The following PRKAA2 variants were observed in gnomAD, a reference collection of about 807,000 sequenced individuals.
PRKAA2 encodes the protein 5'-AMP-activated protein kinase catalytic subunit alpha-2.
A neutral mutation model predicts 56.3 loss-of-function variants in PRKAA2; 40 were observed. The observed-to-expected ratio is 0.71, with a 90% CI of 0.55 to 0.92. The LOEUF (loss-of-function observed/expected upper bound fraction) is 0.92, where lower values mean the gene tolerates loss of function less well. Among genes scored for constraint, PRKAA2 ranks in the 40% least tolerant of loss-of-function variants. The pLI, the probability that PRKAA2 is intolerant of heterozygous loss-of-function variation, is 0.00. For missense variants in PRKAA2, 542 were observed against 686.9 expected (o/e 0.79, Z 2.36); for synonymous variants, 214 against 234.2 (o/e 0.91, Z 0.79).
intron 1 of PRKAA2, among the ~76,000 whole-genome samples, chr1:56,648,218 A>G (rs375564252): frequency 1.3e-5 from 2 of 152,206 alleles, no homozygotes; most frequent in South Asian, 4.1e-4. Flanking sequence ...TTCACAGTTA[A>G]TCTCATTTCT....
At chr1:56,683,552 C>T (rs1375739919) in intron 2 of PRKAA2, among the ~76,000 whole-genome samples, 3 of 152,020 alleles carry the variant, frequency 2.0e-5, no homozygotes, top group South Asian at 4.2e-4. Context: ...ACTAGGGATA[C>T]AGCAACAGAC....
chr1:56,685,447 T>C (rs568385870), intron 2 of PRKAA2, among the ~76,000 whole-genome samples: 1 of 152,300 alleles, frequency 6.6e-6, no homozygotes, highest in African/African-American at 2.4e-5. Flanking sequence ...AGAATTTCTT[T>C]TAGATCAGAA....
intron 5 of PRKAA2, among the ~76,000 whole-genome samples, chr1:56,695,182 TTA>T (rs71852426): frequency 0.43 from 56,041 of 129,630 alleles, 11,257 homozygotes; most frequent in Middle Eastern, 0.53. Context: ...ATATGATATA[TTA>T]TATATATATA....
chr1:56,652,632 G>A (rs936690955), intron 1 of PRKAA2, among the ~76,000 whole-genome samples: 89 of 152,090 alleles, frequency 5.9e-4, no homozygotes, highest in African/African-American at 1.9e-3. Context: ...TTCCTCCTTC[G>A]TAATATGGCA....
rs1217015101 is a variant in PRKAA2, at chr1:56,708,198, T to G, written c.*485T>G. ...CCACGAGTAAGATATTATTTAAATG[T>G]TGAAATCTTAAAAACCTGCCTCCAA... On this transcript the variant is annotated 3_prime_UTR_variant, in exon 9 of 9. Coordinates refer to ENST00000371244, the MANE Select transcript of PRKAA2 (RefSeq NM_006252.4). 1 of 158,046 alleles carries G rather than the reference T, an allele frequency of 6.3e-6. No homozygotes were observed. The highest frequency in any genetic ancestry group is 2.4e-5 in the African/African-American group (1 of 41,476). 9.8% of individuals were successfully genotyped at this position (158,046 alleles called of 1,614,324 possible).
chr1:56,667,251 A>C (rs1303221237), intron 1 of PRKAA2, among the ~76,000 whole-genome samples: 2 of 151,932 alleles, frequency 1.3e-5, no homozygotes, highest in Non-Finnish European at 1.5e-5. Context: ...TCTTGCCCCC[A>C]GTGTTTTTTT....
rs1247899976 is a variant in PRKAA2 at position 56,711,931 on chromosome 1, T to C, written c.*4218T>C. 6.6e-6 allele frequency: 1 copy of C among 152,174 alleles called. No homozygotes were observed. The highest frequency in any genetic ancestry group is 1.5e-5 in the Non-Finnish European group (1 of 68,026). 9.4% of individuals were successfully genotyped at this position (152,174 alleles called of 1,614,324 possible). A position where few individuals can be genotyped will look rare whatever the true frequency, so the allele number is the denominator to read the frequency against. On this transcript the variant is annotated 3_prime_UTR_variant, in exon 9 of 9. Transcript: ENST00000371244. ...TCAGAGGTATATACTTGAATATTTT[T>C]CTAAATACAGCTGCTGGAGGAATGC...
At chr1:56,681,699 T>A (rs566340710) in intron 2 of PRKAA2, among the ~76,000 whole-genome samples, 1 of 152,224 alleles carries the variant, frequency 6.6e-6, no homozygotes, top group African/African-American at 2.4e-5. Flanking sequence ...GCCTCTGCTC[T>A]GTTCCATTGG....
rs116617011 is a variant in PRKAA2, at chr1:56,648,799, A to G, written c.94+3318A>G. Among the ~76,000 whole-genome samples, 912 of 152,300 alleles carry G rather than the reference A, an allele frequency of 6.0e-3. 5 individuals are homozygous for G. The highest frequency in any genetic ancestry group is 0.021 in the African/African-American group (866 of 41,552). ...TGAGGCATTAATTTTGCGTTTCCCTAAGGACTAATGATGTTGAACATTGTC... is the reference window on the plus strand; with the variant it reads ...TGAGGCATTAATTTTGCGTTTCCCTGAGGACTAATGATGTTGAACATTGTC... On this transcript the variant is annotated intron_variant, in intron 1 of 8. Coordinates refer to ENST00000371244, the MANE Select transcript of PRKAA2 (RefSeq NM_006252.4).
chr1:56,700,774 A>C (rs775798194), intron 6 of PRKAA2, among the ~76,000 whole-genome samples: 24 of 152,100 alleles, frequency 1.6e-4, no homozygotes, highest in Admixed American at 5.9e-4. Flanking sequence ...CAGTTCTCTC[A>C]TGGTAAGATT....
intron 1 of PRKAA2, among the ~76,000 whole-genome samples, chr1:56,655,280 A>ATATATTTTTTTTTTTTT: frequency 1.1e-5 from 1 of 93,680 alleles, no homozygotes; most frequent in African/African-American, 4.5e-5. Flanking sequence ...ATATATATAT[A>ATATATTTTTTTTTTTTT]TTTTTTTTTT....
intron 1 of PRKAA2, among the ~76,000 whole-genome samples, chr1:56,667,725 A>T (rs1160257679): frequency 6.6e-6 from 1 of 152,222 alleles, no homozygotes; most frequent in African/African-American, 2.4e-5. Context: ...GTATATATAC[A>T]TATAGATACA....
At chr1:56,650,767 C>T (rs1317406726) in intron 1 of PRKAA2, among the ~76,000 whole-genome samples, 1 of 152,142 alleles carries the variant, frequency 6.6e-6, no homozygotes, top group African/African-American at 2.4e-5. Context: ...CAAAGTCTCA[C>T]GAAGAAGTTA....
chr1:56,648,829 G>A (rs2404718), intron 1 of PRKAA2, among the ~76,000 whole-genome samples: 66,162 of 151,994 alleles, frequency 0.44, 14,963 homozygotes, highest in Middle Eastern at 0.54. Flanking sequence ...ATTGTCTCAC[G>A]TAATTACTAG....
Position 56,659,051 on chromosome 1 carries a change from C to T in PRKAA2, c.94+13570C>T, listed in dbSNP as rs189815336. On this transcript the variant is annotated intron_variant, in intron 1 of 8. Transcript: ENST00000371244. ...CTCCTGGCTTCAAGCGATCCTCTCG[C>T]CTGGGCCTCCCAAAGTGCTTGGATT... 5.8e-3 allele frequency among the ~76,000 whole-genome samples: 878 copies of T among 151,466 alleles called. 9 individuals carry two copies. Among genetic ancestry groups the T allele is most frequent in the African/African-American group, 0.02 (824 of 41,266 alleles).
chr1:56,675,117 A>G (rs750923598), intron 2 of PRKAA2, among the ~76,000 whole-genome samples: 2 of 152,114 alleles, frequency 1.3e-5, no homozygotes, highest in African/African-American at 4.8e-5. Context: ...TTGAAAGATA[A>G]ATAGATTATT....
chr1:56,678,888 G>A (rs759221526), intron 2 of PRKAA2, among the ~76,000 whole-genome samples: 6 of 152,046 alleles, frequency 3.9e-5, no homozygotes, highest in Non-Finnish European at 8.8e-5. Flanking sequence ...TAGAGACGGG[G>A]TTTCACCATG....
At chr1:56,648,318 A>G (rs907841174) in intron 1 of PRKAA2, among the ~76,000 whole-genome samples, 2 of 152,190 alleles carry the variant, frequency 1.3e-5, no homozygotes, top group Non-Finnish European at 2.9e-5. Flanking sequence ...ATCGTTCAAT[A>G]TGTCATCTTT....
At chr1:56,697,279 C>A (rs1299909014) in intron 6 of PRKAA2, among the ~76,000 whole-genome samples, 4 of 151,994 alleles carry the variant, frequency 2.6e-5, no homozygotes, top group Non-Finnish European at 5.9e-5. Context: ...CCACCTTGCC[C>A]TCCCAAAGTG....
Sources: gnomAD v4.1 joint callset for allele counts (sites outside exome capture counted in the v4.1 genomes callset) on GRCh38, gnomAD v4.1.1 for gene constraint, MANE v1.5 for transcripts, NCBI Gene and HGNC (gene_info 2026-07-23, HGNC 2026-07-21) for gene names.